RGS12: variants seen among roughly 807,000 people sequenced by gnomAD.
RGS12 encodes regulator of G-protein signaling 12.
RGS12 carries 66 observed loss-of-function variants against 120.1 expected under a neutral mutation model. The observed-to-expected ratio is 0.55, with a 90% confidence interval of 0.45 to 0.67. The LOEUF (loss-of-function observed/expected upper bound fraction) is 0.67, where lower values mean the gene tolerates loss of function less well. Ranked by LOEUF, RGS12 falls within the 30% of genes least tolerant of loss-of-function variation. The probability of loss-of-function intolerance (pLI) is 0.00; values close to 1 mark genes in which losing one functional copy is unlikely to be tolerated. For missense variants in RGS12, 1,859 were observed against 1,957.7 expected, an observed-to-expected ratio of 0.95 and a Z score of 0.95; for synonymous variants, 827 against 804.7, an observed-to-expected ratio of 1.03 and a Z score of -0.47.
intron 3 of RGS12, chr4:3,370,356 A>C (rs1560121546): frequency 6.2e-7 from 1 of 1,604,114 alleles, no homozygotes; most frequent in Non-Finnish European, 8.5e-7. Flanking sequence ...TCATTTAATC[A>C]GTGGTAGGAA....
intron 4 of RGS12, among the ~76,000 whole-genome samples, chr4:3,388,083 C>A (rs916188): frequency 2.0e-5 from 3 of 152,262 alleles, no homozygotes; most frequent in African/African-American, 7.2e-5. Context: ...CCTGGCCACG[C>A]AGAGATCCCC....
In RGS12 at chr4:3,439,572, G is replaced by A. The variant is rs1725149521; in HGVS notation, c.4232G>A (p.Gly1411Glu). 1 of 1,611,602 alleles carries A rather than the reference G, an allele frequency of 6.2e-7. No individual in the cohort carries two copies. The highest frequency in any genetic ancestry group is 1.1e-5 in the South Asian group (1 of 90,982). The change falls in exon 18 of 18, where the codon GGG (glycine) becomes GAG (glutamate). Residue 1411 changes from glycine to glutamate, a missense_variant. By Grantham distance (98) the Gly-to-Glu change is moderately conservative. Around this residue, in one of 3 missense-constraint regions of RGS12, gnomAD observed 517 missense variants for 488.5 expected, o/e 1.06. Transcript: ENST00000336727. ...GGIAGAQAGP[G>E]RSQASGGPPT... ...ATAGCGGGGGCACAGGCTGGCCCTGGGAGGTCGCAGGCCAGTGGTGGGCCT... is the reference window on the plus strand; with the variant it reads ...ATAGCGGGGGCACAGGCTGGCCCTGAGAGGTCGCAGGCCAGTGGTGGGCCT...
chr4:3,438,433 G>T (rs1725024289), intron 17 of RGS12, among the ~76,000 whole-genome samples: 1 of 151,472 alleles, frequency 6.6e-6, no homozygotes, highest in Non-Finnish European at 1.5e-5. Context: ...GGGGGGTGGG[G>T]TCAGTGGGCG....
intron 1 of RGS12, among the ~76,000 whole-genome samples, chr4:3,304,450 T>C (rs1264992601): frequency 6.6e-6 from 1 of 152,198 alleles, no homozygotes; most frequent in Non-Finnish European, 1.5e-5. Flanking sequence ...GGAGGCCGCT[T>C]TCTCCCGGGA....
Position 3,358,797 on chromosome 4 carries a change from G to A in RGS12, c.1998+15744G>A, listed in dbSNP as rs112684500. On this transcript the variant is annotated intron_variant, in intron 3 of 17. Transcript: ENST00000336727. Reference sequence around the variant, plus strand: ...TATTGGTCTCTAGTTTTCTTGTATTGTCTTTGTCTGGCTTGATGTCAGGGT... The same window carrying A: ...TATTGGTCTCTAGTTTTCTTGTATTATCTTTGTCTGGCTTGATGTCAGGGT... 3.6e-3 allele frequency among the ~76,000 whole-genome samples: 550 copies of A among 151,740 alleles called. 5 individuals are homozygous for A. The highest frequency in any genetic ancestry group is 0.013 in the African/African-American group (537 of 41,326).
In RGS12 at chr4:3,430,533, T is replaced by TC; in HGVS notation, c.3696dup (p.Thr1233HisfsTer10). 6.2e-7 allele frequency: 1 copy of TC among 1,613,306 alleles called. No individual in the cohort carries two copies. Among genetic ancestry groups the TC allele is most frequent in the Non-Finnish European group, 8.5e-7 (1 of 1,180,000 alleles). ...CCTCCTGGTTCCACAGAACTCACCCTCCCCACTCCAGCTGCTGTGGCCAAG... is the reference window on the plus strand; with the variant it reads ...CCTCCTGGTTCCACAGAACTCACCCTCCCCCACTCCAGCTGCTGTGGCCAAG... On this transcript the variant is annotated frameshift_variant, in exon 17 of 18. Coordinates refer to ENST00000336727, the MANE Select transcript of RGS12 (RefSeq NM_001394154.1). LOFTEE classifies it high-confidence loss of function.
At position 3,366,505 on chromosome 4, in the gene RGS12, C is replaced by T. The variant is rs1716321056; in HGVS notation, c.1999-19911C>T. Among the ~76,000 whole-genome samples, 1 of 152,180 alleles carries T rather than the reference C, an allele frequency of 6.6e-6. No individual in the cohort carries two copies. Among genetic ancestry groups the T allele is most frequent in the South Asian group, 2.1e-4 (1 of 4,834 alleles). On this transcript the variant is annotated intron_variant, in intron 3 of 17. Transcript: ENST00000336727. This position sits in a 1 kb window ranked among gnomAD's most constrained non-coding sequence, Gnocchi z 4.0. ...GTTCCCGCCTCTCTGCCTCGCACGC[C>T]CTCCTAGCTGAGAGTGAGGTGGTCC...
intron 3 of RGS12, among the ~76,000 whole-genome samples, chr4:3,362,768 T>A (rs1715798416): frequency 7.2e-6 from 1 of 139,630 alleles, no homozygotes; most frequent in African/African-American, 2.7e-5. Context: ...GATGTGAGGG[T>A]GTGAGTTAGG....
intron 15 of RGS12, 101 bp downstream of exon 15, chr4:3,428,270 CTG>C (rs1723885929): frequency 1.8e-6 from 2 of 1,085,270 alleles, no homozygotes; most frequent in African/African-American, 3.1e-5. Context: ...CTGCTTATCA[CTG>C]TGTGTCTCCC....
rs1234998884 is a variant in RGS12 at position 3,417,254 on chromosome 4, C to A, written c.2608-134C>A. On this transcript the variant is annotated intron_variant, in intron 8 of 17. Coordinates refer to ENST00000336727, the MANE Select transcript of RGS12 (RefSeq NM_001394154.1). ...CTGCTGTCTGGAGTCCTGTCAGGGC[C>A]ACACCATGACCTGTAGAAGTGATAC... is the stretch of plus-strand genomic sequence containing the variant. 8 of 1,299,096 alleles carry A rather than the reference C, an allele frequency of 6.2e-6. No homozygotes were observed. The Admixed American group carries it at 1.9e-4, about 32-fold the overall frequency. The allele number at this position is 1,299,096 out of a possible 1,614,324, so 80.5% of individuals were successfully genotyped here.
chr4:3,414,025 CG>C, intron 4 of RGS12, 46 bp from the exon 5 acceptor site: 1 of 1,483,726 alleles, frequency 6.7e-7, no homozygotes, highest in Non-Finnish European at 9.0e-7. Context: ...GTCACTGGGC[CG>C]GGGCGGAGGG....
Position 3,420,861 on chromosome 4 carries a change from C to T in RGS12, c.2838+143C>T, listed in dbSNP as rs1048358464. 3 of 767,262 alleles carry T rather than the reference C, an allele frequency of 3.9e-6. No homozygotes were observed. In the South Asian group the frequency reaches 5.3e-5, roughly 14 times the overall value. The allele number at this position is 767,262 out of a possible 1,614,324, so 47.5% of individuals were successfully genotyped here. On this transcript the variant is annotated intron_variant, in intron 10 of 17. Coordinates refer to ENST00000336727, the MANE Select transcript of RGS12 (RefSeq NM_001394154.1). The stretch of plus-strand genomic sequence containing the variant: ...CTGGGGGACAAGGCTCGGGTGCCGG[C>T]CCAGGCACAGTGGCAAAGTGCAGGG...
At chr4:3,413,935 G>A in intron 4 of RGS12, 137 bp from the exon 5 acceptor site, 1 of 833,616 alleles carries the variant, frequency 1.2e-6, no homozygotes, top group Non-Finnish European at 1.8e-6. Flanking sequence ...GGTGTGCTGT[G>A]CATAGTTGTT....
At chr4:3,410,397 C>T (rs1388205486) in intron 4 of RGS12, among the ~76,000 whole-genome samples, 3 of 152,186 alleles carry the variant, frequency 2.0e-5, no homozygotes, top group Non-Finnish European at 4.4e-5. Flanking sequence ...TAGTATGTGC[C>T]CATGCACTGG....
chr4:3,378,355 T>C (rs1434388049), intron 3 of RGS12: 3 of 152,174 alleles, frequency 2.0e-5, no homozygotes, highest in Non-Finnish European at 4.4e-5. Context: ...GTTTCGGCGA[T>C]GATTTTTTTT....
chr4:3,292,229 C>T (rs973158672), upstream of RGS12, among the ~76,000 whole-genome samples: 1 of 152,224 alleles, frequency 6.6e-6, no homozygotes, highest in East Asian at 1.9e-4. Context: ...GAACTCCGGC[C>T]TAAAGGGTGA....
At chr4:3,352,457 A>G (rs1008275203) in intron 3 of RGS12, among the ~76,000 whole-genome samples, 63 of 152,160 alleles carry the variant, frequency 4.1e-4, no homozygotes, top group South Asian at 4.1e-4. Context: ...CATTTATGTC[A>G]TCCTAAATAA....
chr4:3,345,167 C>T (rs569198096), intron 3 of RGS12, among the ~76,000 whole-genome samples: 3 of 152,218 alleles, frequency 2.0e-5, no homozygotes, highest in South Asian at 4.1e-4. Flanking sequence ...TGGGACCAGT[C>T]CAAGGTTGGA....
intron 13 of RGS12, among the ~76,000 whole-genome samples, chr4:3,424,938 G>A (rs1030113386): frequency 1.3e-5 from 2 of 152,320 alleles, no homozygotes; most frequent in East Asian, 3.9e-4. Flanking sequence ...CTGACAGATC[G>A]TGAATGCCAA....
Sources: gnomAD v4.1 joint callset for allele counts (sites outside exome capture counted in the v4.1 genomes callset) on GRCh38, gnomAD v4.1.1 for gene constraint, gnomAD v4.1.1 regional missense constraint, Gnocchi (gnomAD v3.1) non-coding constraint, MANE v1.5 for transcripts, NCBI Gene and HGNC (gene_info 2026-07-23, HGNC 2026-07-21) for gene names.